Variants in DPP10 observed in about 807,000 individuals in gnomAD.
DPP10 encodes the protein inactive dipeptidyl peptidase 10.
A neutral mutation model predicts 120.9 loss-of-function variants in DPP10; 33 were observed. That is an observed-to-expected ratio of 0.27 (90% confidence interval 0.21 to 0.37). The LOEUF is 0.37. Among genes scored for constraint, DPP10 ranks in the 10% least tolerant of loss-of-function variants. The probability of loss-of-function intolerance (pLI) is 1.00; values close to 1 mark genes in which losing one functional copy is unlikely to be tolerated. For synonymous variants in DPP10, 337 were observed against 326.1 expected (o/e 1.03, Z -0.36); for missense variants, 816 against 942.8 (o/e 0.87, Z 1.76).
chr2:115,609,810 A>G (rs1387139562), intron 5 of DPP10, among the ~76,000 whole-genome samples: 1 of 152,180 alleles, frequency 6.6e-6, no homozygotes, highest in Non-Finnish European at 1.5e-5. Context: ...TTATAAGGTC[A>G]TGAATAGTGA....
chr2:115,566,268 T>A (rs2081003090), intron 5 of DPP10, among the ~76,000 whole-genome samples: 1 of 152,122 alleles, frequency 6.6e-6, no homozygotes, highest in Admixed American at 6.5e-5. Flanking sequence ...TATATAAATA[T>A]ATCTTATATA....
chr2:115,078,857 C>G (rs1181103225), intron 1 of DPP10, among the ~76,000 whole-genome samples: 1 of 152,066 alleles, frequency 6.6e-6, no homozygotes, highest in East Asian at 1.9e-4. Context: ...AAGAGTAACA[C>G]CATAATTACT....
At chr2:115,752,719 T>C (rs1678903405) in intron 10 of DPP10, among the ~76,000 whole-genome samples, 1 of 152,160 alleles carries the variant, frequency 6.6e-6, no homozygotes, top group Non-Finnish European at 1.5e-5. Context: ...CTTTGCCTTT[T>C]AACTGGAAGA....
intron 3 of DPP10, among the ~76,000 whole-genome samples, chr2:115,459,789 A>T (rs2073870687): frequency 6.6e-6 from 1 of 151,852 alleles, no homozygotes; most frequent in Admixed American, 6.6e-5. Flanking sequence ...CAACAGTTGA[A>T]TGACTGGAAT....
At chr2:115,780,172 CAA>C (rs1682580975) in intron 15 of DPP10, among the ~76,000 whole-genome samples, 1 of 151,886 alleles carries the variant, frequency 6.6e-6, no homozygotes, top group Non-Finnish European at 1.5e-5. Flanking sequence ...ATTAAATAAA[CAA>C]TTTGATAAAT....
intron 1 of DPP10, among the ~76,000 whole-genome samples, chr2:114,886,461 T>C (rs982000598): frequency 1.3e-5 from 2 of 152,182 alleles, no homozygotes; most frequent in Admixed American, 6.5e-5. Flanking sequence ...AACCCCATAA[T>C]AGTGCCTACA....
chr2:115,545,993 C>T (rs750374465), intron 5 of DPP10, among the ~76,000 whole-genome samples: 25 of 152,102 alleles, frequency 1.6e-4, no homozygotes, highest in Middle Eastern at 3.4e-3. Flanking sequence ...TTGCTAGTTC[C>T]GTTTCTATTT....
intron 1 of DPP10, among the ~76,000 whole-genome samples, chr2:114,546,654 G>C (rs1687422440): frequency 6.6e-6 from 1 of 152,170 alleles, no homozygotes; most frequent in African/African-American, 2.4e-5. Flanking sequence ...TTTTAAAGTG[G>C]CTGGTGACAT....
At chr2:115,425,949 C>T (rs945564090) in intron 3 of DPP10, among the ~76,000 whole-genome samples, 1 of 152,152 alleles carries the variant, frequency 6.6e-6, no homozygotes, top group Admixed American at 6.5e-5. Flanking sequence ...AACTAAATCT[C>T]GTGAGAACTG....
chr2:115,245,955 T>A lies in DPP10; in HGVS notation c.61-63284T>A, dbSNP rs2058515066. ...TTTTTTAAATTGACTTTTGAGCTGA[T>A]GTTAGGTTTGATTAGAAAAACATAT... On this transcript the variant is annotated intron_variant, in intron 1 of 25. Transcript: ENST00000410059. Among the ~76,000 whole-genome samples the A allele has an allele frequency of 2.6e-5, 4 of 152,234 alleles. No individual in the cohort carries two copies. The South Asian group carries it at 8.3e-4, about 32-fold the overall frequency.
chr2:115,581,014 G>C (rs2081974660), intron 5 of DPP10, among the ~76,000 whole-genome samples: 1 of 152,180 alleles, frequency 6.6e-6, no homozygotes, highest in South Asian at 2.1e-4. Flanking sequence ...CAAGTTTCGG[G>C]AAAGTGTCAA....
intron 5 of DPP10, among the ~76,000 whole-genome samples, chr2:115,590,562 T>C (rs1379820963): frequency 6.6e-6 from 1 of 152,238 alleles, no homozygotes. Flanking sequence ...TAATCCAGTC[T>C]ATCATTGATG....
At chr2:114,913,933 A>G (rs1425711968) in intron 1 of DPP10, among the ~76,000 whole-genome samples, 1 of 152,226 alleles carries the variant, frequency 6.6e-6, no homozygotes, top group Non-Finnish European at 1.5e-5. Context: ...GTACAATGCA[A>G]TTGGAAGTAT....
chr2:115,651,413 C>T (rs1448605376), intron 5 of DPP10, among the ~76,000 whole-genome samples: 5 of 151,860 alleles, frequency 3.3e-5, no homozygotes, highest in African/African-American at 9.7e-5. Flanking sequence ...CCTTTCCCGG[C>T]GCTGAATTAT....
At chr2:115,781,235 A>C (rs1172300602) in intron 16 of DPP10, among the ~76,000 whole-genome samples, 1 of 151,920 alleles carries the variant, frequency 6.6e-6, no homozygotes, top group Non-Finnish European at 1.5e-5. Flanking sequence ...TGCTATTTGA[A>C]CATGAGCAAC....
chr2:114,893,772 A>G (rs929538162), intron 1 of DPP10, among the ~76,000 whole-genome samples: 1 of 152,214 alleles, frequency 6.6e-6, no homozygotes, highest in African/African-American at 2.4e-5. Flanking sequence ...TTCATGATGC[A>G]CATATTATCA....
At chr2:115,383,558 A>G (rs553374686) in intron 3 of DPP10, among the ~76,000 whole-genome samples, 4 of 152,300 alleles carry the variant, frequency 2.6e-5, no homozygotes, top group Non-Finnish European at 5.9e-5. Context: ...AATTAGTTTT[A>G]TCTGGTTTTC....
intron 1 of DPP10, among the ~76,000 whole-genome samples, chr2:114,723,983 G>T (rs1434021565): frequency 1.3e-5 from 2 of 152,200 alleles, no homozygotes; most frequent in Non-Finnish European, 2.9e-5. Context: ...ATGAAACTGG[G>T]CATTATAATG....
At chr2:114,942,248 G>T (rs1381197908) in intron 1 of DPP10, among the ~76,000 whole-genome samples, 3 of 143,882 alleles carry the variant, frequency 2.1e-5, no homozygotes, top group Admixed American at 7.3e-5. Flanking sequence ...ACTCCAGCCT[G>T]GGTGACAGGG....
Sources: gnomAD v4.1 joint callset for allele counts (sites outside exome capture counted in the v4.1 genomes callset) on GRCh38, gnomAD v4.1.1 for gene constraint, MANE v1.5 for transcripts, NCBI Gene and HGNC (gene_info 2026-07-23, HGNC 2026-07-21) for gene names.